Variants in CES2 observed in about 807,000 individuals in gnomAD.
CES2 encodes the protein carboxylesterase 2.
A neutral mutation model predicts 52.1 loss-of-function variants in CES2; 42 were observed. The observed-to-expected ratio is 0.81, with a 90% CI of 0.63 to 1.04. CES2 has a LOEUF of 1.04. CES2 is among the 50% of genes least tolerant of loss of function. The pLI is 0.00. For synonymous variants in CES2, 277 were observed against 289.6 expected (o/e 0.96, Z 0.44); for missense variants, 656 against 724.3 (o/e 0.91, Z 1.08).
Position 66,939,140 on chromosome 16 carries a change from T to C in CES2, c.282-77T>C, listed in dbSNP as rs1403185366. The stretch of plus-strand genomic sequence containing the variant: ...ATTGTGGGAAGGGTCTGAGGGTGGC[T>C]GGGAGCACCTCTGAACCCAGGGTCT... On this transcript the variant is annotated intron_variant, in intron 2 of 11. Transcript: ENST00000317091. 3.9e-6 allele frequency: 5 copies of C among 1,292,148 alleles called. No homozygotes were observed. The African/African-American group carries it at 7.3e-5, about 19-fold the overall frequency. 80.0% of individuals were successfully genotyped at this position (1,292,148 alleles called of 1,614,324 possible).
intron 1 of CES2, chr16:66,936,123 T>G: frequency 1.3e-6 from 1 of 762,426 alleles, no homozygotes; most frequent in Non-Finnish European, 1.7e-6. Flanking sequence ...GTGTGTGGCG[T>G]CCTTGGCCAG....
Position 66,939,398 on chromosome 16 carries a change from GTTC to G in CES2, c.423+45_423+47del, listed in dbSNP as rs774947586. 14 of 1,608,970 alleles carry G rather than the reference GTTC, an allele frequency of 8.7e-6. 1 individual carries two copies. The East Asian group carries it at 1.1e-4, about 13-fold the overall frequency. ...ACAGTTCACTGGGGGTTGGAGGACA[GTTC>G]TTCTGCAAGAAGCTGAAAAGGACAA... On this transcript the variant is annotated intron_variant, in intron 3 of 11. Transcript: ENST00000317091.
In CES2 at chr16:66,938,134, C is replaced by T. The variant is rs763226189; in HGVS notation, c.174C>T (p.Phe58=). The change falls in exon 2 of 12, where the codon TTC becomes TTT. Residue 58 remains phenylalanine, a synonymous_variant. Coordinates refer to ENST00000317091, the MANE Select transcript of CES2 (RefSeq NM_001365405.1). ...VKGANAGVQT[F]LGIPFAKPPL... ...GCGCCAATGCCGGGGTCCAAACCTT[C>T]CTGGGAATTCCATTTGCCAAGCCAC... is the stretch of plus-strand genomic sequence containing the variant. The T allele has an allele frequency of 4.6e-5, 74 of 1,614,040 alleles. No homozygotes were observed. Among genetic ancestry groups the T allele is most frequent in the Non-Finnish European group, 6.3e-5 (74 of 1,180,034 alleles).
rs779182228 is a variant in CES2, at chr16:66,941,200, A to G, written c.893A>G (p.Glu298Gly). 1.2e-6 allele frequency: 2 copies of G among 1,614,122 alleles called. No individual in the cohort carries two copies. Among genetic ancestry groups the G allele is most frequent in the South Asian group, 1.1e-5 (1 of 91,066 alleles). ...LVGCLRGKSK[E>G]EILAINKPFK... ...GGCTGCCTGCGGGGCAAGAGTAAAG[A>G]GGAGATTCTTGCAATTAACAAGGTT... The change falls in exon 6 of 12, where the codon GAG (glutamate) becomes GGG (glycine). Residue 298 changes from glutamate to glycine, a missense_variant. Transcript: ENST00000317091.
chr16:66,943,516 ACAGG>A lies in CES2; in HGVS notation c.1493+146_1493+149del. 2 of 836,056 alleles carry A rather than the reference ACAGG, an allele frequency of 2.4e-6. No homozygotes were observed. The highest frequency in any genetic ancestry group is 3.8e-6 in the Non-Finnish European group (2 of 522,062). The allele number at this position is 836,056 out of a possible 1,614,324, so 51.8% of individuals were successfully genotyped here. A position where few individuals can be genotyped will look rare whatever the true frequency, so the allele number is the denominator to read the frequency against. Reference sequence around the variant, plus strand: ...TTCCCCAGCTCCGGGACCCACTCAGACAGGGTGGGGGTGCGTGGGGCAGTGGACA... The same window carrying A: ...TTCCCCAGCTCCGGGACCCACTCAGAGTGGGGGTGCGTGGGGCAGTGGACA... On this transcript the variant is annotated intron_variant, in intron 11 of 11. Transcript: ENST00000317091. The surrounding 1 kb of genome is among the most constrained non-coding windows in gnomAD (Gnocchi z 4.2).
intron 1 of CES2, among the ~76,000 whole-genome samples, chr16:66,937,499 G>A (rs369356008): frequency 2.0e-5 from 3 of 152,076 alleles, no homozygotes; most frequent in African/African-American, 4.8e-5. Context: ...ACCACACCCC[G>A]CCAATTTATT....
Position 66,935,988 on chromosome 16 carries a change from G to C in CES2, c.76+277G>C, listed in dbSNP as rs561884800. On this transcript the variant is annotated intron_variant, in intron 1 of 11. Coordinates refer to ENST00000317091, the MANE Select transcript of CES2 (RefSeq NM_001365405.1). The stretch of plus-strand genomic sequence containing the variant: ...ACATGCCAGGCCGGGTAGGCAGCCT[G>C]GGGTCGGAGTGGGTGAGGGATTGGG... The C allele has an allele frequency of 4.6e-5, 64 of 1,384,384 alleles. 1 individual carries two copies. The highest frequency in any genetic ancestry group is 2.2e-4 in the African/African-American group (15 of 68,718). The allele number at this position is 1,384,384 out of a possible 1,614,324, so 85.8% of individuals were successfully genotyped here. A position where few individuals can be genotyped will look rare whatever the true frequency, so the allele number is the denominator to read the frequency against.
Position 66,944,289 on chromosome 16 carries a change from A to C in CES2, c.*264A>C. On this transcript the variant is annotated 3_prime_UTR_variant, in exon 12 of 12. Coordinates refer to ENST00000317091, the MANE Select transcript of CES2 (RefSeq NM_001365405.1). ...TTTGAGACCGACCAGCCAGGGCAAC[A>C]CAGTGAGACCCCTTCTCAAAAAAAA... 1 of 282,824 alleles carries C rather than the reference A, an allele frequency of 3.5e-6. No individual in the cohort carries two copies. The highest frequency in any genetic ancestry group is 6.5e-6 in the Non-Finnish European group (1 of 154,680). The allele number at this position is 282,824 out of a possible 1,614,324, so 17.5% of individuals were successfully genotyped here. A position where few individuals can be genotyped will look rare whatever the true frequency, so the allele number is the denominator to read the frequency against.
In CES2 at chr16:66,942,002, C is replaced by T. The variant is rs28382822; in HGVS notation, c.1138-103C>T. The T allele has an allele frequency of 1.0e-3, 1,540 of 1,515,960 alleles. 7 individuals carry two copies. The African/African-American group carries it at 0.012, about 11-fold the overall frequency. 93.9% of individuals were successfully genotyped at this position (1,515,960 alleles called of 1,614,324 possible). A position where few individuals can be genotyped will look rare whatever the true frequency, so the allele number is the denominator to read the frequency against. On this transcript the variant is annotated intron_variant, in intron 8 of 11. Coordinates refer to ENST00000317091, the MANE Select transcript of CES2 (RefSeq NM_001365405.1). Reference sequence around the variant, plus strand: ...TAGGGGTGGGGTCACCTCAGAGCCTCGCCTTTGCTCCCCCTTCCTGTGCCA... The same window carrying T: ...TAGGGGTGGGGTCACCTCAGAGCCTTGCCTTTGCTCCCCCTTCCTGTGCCA...
chr16:66,940,657 C>T lies in CES2; in HGVS notation c.778C>T (p.Pro260Ser), dbSNP rs147942040. ...AIMESGVALL[P>S]GLIASSADVI... The stretch of plus-strand genomic sequence containing the variant: ...CATGGAGAGTGGCGTGGCCCTCCTG[C>T]CCGGCCTCATTGCCAGCTCAGCTGA... The change falls in exon 5 of 12, where the codon CCC becomes TCC. Residue 260 changes from proline (P) to serine (S), a missense_variant. Pro to Ser is a moderately conservative substitution (Grantham distance 74). Transcript: ENST00000317091. 121 of 1,614,222 alleles carry T rather than the reference C, an allele frequency of 7.5e-5. 1 individual carries two copies. In the Middle Eastern group the frequency reaches 1.3e-3, roughly 18 times the overall value.
chr16:66,941,994 C>T, intron 8 of CES2, 111 bp from the exon 9 acceptor site: 1 of 1,514,194 alleles, frequency 6.6e-7, no homozygotes, highest in South Asian at 1.2e-5. Context: ...GGGGTCACCT[C>T]AGAGCCTCGC....
rs1266182241 is a variant in CES2, at chr16:66,944,089, C to T, written c.*64C>T. On this transcript the variant is annotated 3_prime_UTR_variant, in exon 12 of 12. Coordinates refer to ENST00000317091, the MANE Select transcript of CES2 (RefSeq NM_001365405.1). Reference sequence around the variant, plus strand: ...GGCGAGGGTCAGCCTGCTGTGCCCACACACACCCACTAAGGAGAAAGAAGT... The same window carrying T: ...GGCGAGGGTCAGCCTGCTGTGCCCATACACACCCACTAAGGAGAAAGAAGT... The T allele has an allele frequency of 5.1e-6, 4 of 784,832 alleles. No homozygotes were observed. The East Asian group carries it at 8.6e-5, about 17-fold the overall frequency. 48.6% of individuals were successfully genotyped at this position (784,832 alleles called of 1,614,324 possible).
chr16:66,938,652 CT>C (rs1963275054), intron 2 of CES2, among the ~76,000 whole-genome samples: 1 of 152,210 alleles, frequency 6.6e-6, no homozygotes, highest in African/African-American at 2.4e-5. Flanking sequence ...GTAGTGGTAG[CT>C]TTCTGGGGAC....
chr16:66,936,675 G>A (rs1450774096), intron 1 of CES2, among the ~76,000 whole-genome samples: 3 of 152,156 alleles, frequency 2.0e-5, no homozygotes, highest in East Asian at 3.9e-4. Context: ...GGAGTGTTTC[G>A]GCCTTTGGTC....
Position 66,941,212 on chromosome 16 carries a change from C to T in CES2, c.905C>T (p.Ala302Val). ...LRGKSKEEIL[A>V]INKPFKMIPG... Reference sequence around the variant, plus strand: ...GGCAAGAGTAAAGAGGAGATTCTTGCAATTAACAAGGTTGGTCTAAATGGA... The same window carrying T: ...GGCAAGAGTAAAGAGGAGATTCTTGTAATTAACAAGGTTGGTCTAAATGGA... The change falls in exon 6 of 12, where the codon GCA becomes GTA. Residue 302 changes from alanine to valine, a missense_variant. Ala to Val is a moderately conservative substitution (Grantham distance 64, BLOSUM62 0). Transcript: ENST00000317091. 6.2e-7 allele frequency: 1 copy of T among 1,614,098 alleles called. No homozygotes were observed. Among genetic ancestry groups the T allele is most frequent in the Non-Finnish European group, 8.5e-7 (1 of 1,180,000 alleles).
chr16:66,940,164 G>A lies in CES2; in HGVS notation c.424-58G>A, dbSNP rs934259624. On this transcript the variant is annotated intron_variant, in intron 3 of 11. Coordinates refer to ENST00000317091, the MANE Select transcript of CES2 (RefSeq NM_001365405.1). ...AAAGCACTGGTTGGTCTAGGTAGTG[G>A]CCCTGGTGGGGTTTGGGCTGGGTGG... The A allele has an allele frequency of 1.2e-5, 20 of 1,600,382 alleles. No homozygotes were observed. The African/African-American group carries it at 2.7e-4, about 21-fold the overall frequency.
In CES2 at chr16:66,943,723, C is replaced by A; in HGVS notation, c.1494-116C>A. The A allele has an allele frequency of 1.2e-6, 1 of 812,514 alleles. No individual in the cohort carries two copies. 50.3% of individuals were successfully genotyped at this position (812,514 alleles called of 1,614,324 possible). A position where few individuals can be genotyped will look rare whatever the true frequency, so the allele number is the denominator to read the frequency against. On this transcript the variant is annotated intron_variant, in intron 11 of 11. Transcript: ENST00000317091. The surrounding 1 kb of genome is among the most constrained non-coding windows in gnomAD (Gnocchi z 4.2). ...TCTGGAAGCCTCCCCACTCATTCCC[C>A]AAGCCCACCTGGCCTGCTTGGCTGC...
chr16:66,935,658 C>A lies in CES2; in HGVS notation c.23C>A (p.Ala8Glu), dbSNP rs764620476. MRLHRLR[A>E]RLSAVACGLL... Reference sequence around the variant, plus strand: ...ACCATGCGGCTGCACAGACTTCGTGCGCGGCTGAGCGCGGTGGCCTGTGGG... The same window carrying A: ...ACCATGCGGCTGCACAGACTTCGTGAGCGGCTGAGCGCGGTGGCCTGTGGG... Residue 8 changes from alanine (A) to glutamate (E), a missense_variant, in exon 1 of 12, where the codon GCG becomes GAG. By Grantham distance (107) the Ala-to-Glu change is moderately radical (BLOSUM62 -1). Transcript: ENST00000317091. 1 of 1,603,272 alleles carries A rather than the reference C, an allele frequency of 6.2e-7. No individual in the cohort carries two copies. Among genetic ancestry groups the A allele is most frequent in the Admixed American group, 1.7e-5 (1 of 60,014 alleles).
chr16:66,941,256 G>A (rs748805677), intron 6 of CES2, 34 bp downstream of exon 6: 1 of 1,610,112 alleles, frequency 6.2e-7, no homozygotes, highest in East Asian at 2.2e-5. Flanking sequence ...TAGAGGAAGG[G>A]GTGCAATAGG....
Sources: allele counts gnomAD v4.1 joint callset (sites outside exome capture counted in the v4.1 genomes callset), GRCh38; gene constraint gnomAD v4.1.1; non-coding constraint Gnocchi (gnomAD v3.1); transcripts MANE v1.5; gene names NCBI Gene and HGNC (gene_info 2026-07-23, HGNC 2026-07-21).